STAC: variants seen among roughly 807,000 people sequenced by gnomAD.
STAC encodes SH3 and cysteine rich domain, also known as SH3 and cysteine-rich domain-containing protein.
Under a neutral mutation model 48.8 loss-of-function variants are expected in STAC, and 43 were observed. The ratio of observed to expected loss-of-function variants is 0.88; its 90% CI spans 0.69 to 1.14. The LOEUF is 1.14. Among genes scored for constraint, STAC ranks in the 50% most tolerant of loss-of-function variants. STAC has a pLI of 0.00. For missense variants in STAC, 497 were observed against 504.0 expected (o/e 0.99, Z 0.13); for synonymous variants, 193 against 179.5 (o/e 1.07, Z -0.60).
chr3:36,447,680 C>T (rs6806365), intron 2 of STAC, among the ~76,000 whole-genome samples: 11,708 of 151,636 alleles, frequency 0.077, 978 homozygotes, highest in African/African-American at 0.21. Context: ...CACACACACA[C>T]ACACAAAGAC....
intron 2 of STAC, among the ~76,000 whole-genome samples, chr3:36,444,918 G>A (rs538855182): frequency 1.6e-4 from 25 of 152,246 alleles, no homozygotes; most frequent in Admixed American, 4.6e-4. Flanking sequence ...GTCTCATCAC[G>A]TCTCATGCTC....
chr3:36,529,053 A>T (rs1699005926), intron 10 of STAC, 68 bp downstream of exon 10: 2 of 1,450,130 alleles, frequency 1.4e-6, no homozygotes, highest in African/African-American at 2.9e-5. Context: ...AAACTTAATA[A>T]TATGTATAAA....
intron 8 of STAC, among the ~76,000 whole-genome samples, chr3:36,520,576 T>C (rs558235318): frequency 1.3e-5 from 2 of 152,322 alleles, no homozygotes; most frequent in South Asian, 4.1e-4. Context: ...TCTAAGTACA[T>C]TACTGCTTGG....
intron 1 of STAC, among the ~76,000 whole-genome samples, chr3:36,386,146 A>G (rs989496311): frequency 3.3e-5 from 5 of 151,946 alleles, no homozygotes; most frequent in African/African-American, 1.2e-4. Context: ...ATCGTTTCAT[A>G]TTATCTTTCT....
At chr3:36,476,503 A>G (rs1407506328) in intron 2 of STAC, among the ~76,000 whole-genome samples, 1 of 152,220 alleles carries the variant, frequency 6.6e-6, no homozygotes, top group African/African-American at 2.4e-5. Context: ...CTGATAAAGC[A>G]AAGGAGGAAC....
chr3:36,532,133 A>G (rs537963203), intron 10 of STAC, among the ~76,000 whole-genome samples: 2 of 152,206 alleles, frequency 1.3e-5, no homozygotes, highest in South Asian at 4.2e-4. Flanking sequence ...ACCATATCCA[A>G]CAATTGCTAT....
intron 2 of STAC, among the ~76,000 whole-genome samples, chr3:36,447,389 A>G (rs552818890): frequency 6.6e-5 from 10 of 152,366 alleles, no homozygotes; most frequent in South Asian, 2.1e-4. Context: ...AAGATGAAGT[A>G]TAAAACACTC....
intron 2 of STAC, among the ~76,000 whole-genome samples, chr3:36,454,172 T>G (rs1488696305): frequency 6.6e-6 from 1 of 152,112 alleles, no homozygotes; most frequent in African/African-American, 2.4e-5. Context: ...CTGTGGAAGC[T>G]TTGTTCTTTC....
At chr3:36,451,485 TAA>T (rs1164197516) in intron 2 of STAC, among the ~76,000 whole-genome samples, 1 of 152,168 alleles carries the variant, frequency 6.6e-6, no homozygotes, top group Non-Finnish European at 1.5e-5. Context: ...GAATAAATCT[TAA>T]GATATATACA....
intron 1 of STAC, among the ~76,000 whole-genome samples, chr3:36,386,603 A>G (rs1391360902): frequency 6.6e-6 from 1 of 151,996 alleles, no homozygotes; most frequent in East Asian, 1.9e-4. Context: ...GTGGATTTAC[A>G]ATTCATTTGG....
intron 2 of STAC, among the ~76,000 whole-genome samples, chr3:36,450,840 C>A (rs188788622): frequency 2.0e-5 from 3 of 152,286 alleles, no homozygotes; most frequent in Admixed American, 1.3e-4. Context: ...CATCTCATCC[C>A]ATTTAAAGCT....
chr3:36,449,113 C>A (rs1470579560), intron 2 of STAC, among the ~76,000 whole-genome samples: 6 of 151,896 alleles, frequency 4.0e-5, no homozygotes, highest in Non-Finnish European at 8.8e-5. Context: ...AGTGAGACTT[C>A]ATCTCTTAAA....
intron 1 of STAC, among the ~76,000 whole-genome samples, chr3:36,403,734 C>A (rs1179287905): frequency 6.6e-6 from 1 of 151,916 alleles, no homozygotes; most frequent in Non-Finnish European, 1.5e-5. Flanking sequence ...AAACAGGTGA[C>A]CTTATCATGA....
intron 2 of STAC, among the ~76,000 whole-genome samples, chr3:36,464,084 G>A (rs1002442975): frequency 2.0e-5 from 3 of 152,250 alleles, no homozygotes; most frequent in Admixed American, 6.5e-5. Flanking sequence ...GATCCCTGAG[G>A]AATCGCCACA....
intron 1 of STAC, among the ~76,000 whole-genome samples, chr3:36,438,363 T>G (rs968577505): frequency 6.6e-6 from 1 of 152,214 alleles, no homozygotes; most frequent in Admixed American, 6.5e-5. Flanking sequence ...TTTACCATTA[T>G]TATTATAAAC....
intron 2 of STAC, among the ~76,000 whole-genome samples, chr3:36,456,273 C>A (rs746735589): frequency 1.3e-5 from 2 of 152,122 alleles, no homozygotes; most frequent in African/African-American, 4.8e-5. Context: ...GGACGATGAA[C>A]GAGCCTGACT....
chr3:36,464,036 T>C (rs1252833351), intron 2 of STAC, among the ~76,000 whole-genome samples: 1 of 152,170 alleles, frequency 6.6e-6, no homozygotes, highest in African/African-American at 2.4e-5. Flanking sequence ...ATATACCCAG[T>C]AATGGGATTG....
intron 1 of STAC, among the ~76,000 whole-genome samples, chr3:36,425,587 A>G (rs1234184339): frequency 6.6e-6 from 1 of 152,256 alleles, no homozygotes; most frequent in African/African-American, 2.4e-5. Flanking sequence ...ATAGTTTTAT[A>G]TCAGTGTTAA....
chr3:36,533,490 T>C (rs1017604138), intron 10 of STAC, among the ~76,000 whole-genome samples: 1 of 149,922 alleles, frequency 6.7e-6, no homozygotes, highest in South Asian at 2.1e-4. Flanking sequence ...TTTTTTTTTT[T>C]TTTTTTTTTT....
Sources: gnomAD v4.1 joint callset for allele counts (sites outside exome capture counted in the v4.1 genomes callset) on GRCh38, gnomAD v4.1.1 for gene constraint, MANE v1.5 for transcripts, NCBI Gene and HGNC (gene_info 2026-07-23, HGNC 2026-07-21) for gene names.